RGS12: variants seen among roughly 807,000 people sequenced by gnomAD.
The protein encoded by RGS12 is regulator of G-protein signaling 12.
Under a neutral mutation model 120.1 loss-of-function variants are expected in RGS12, and 66 were observed. That is an observed-to-expected ratio of 0.55 (90% CI 0.45 to 0.67). RGS12 has a LOEUF of 0.67. Ranked by LOEUF, RGS12 falls within the 30% of genes least tolerant of loss-of-function variation. The pLI is 0.00. For missense variants in RGS12, 1,859 were observed against 1,957.7 expected (o/e 0.95, Z 0.95); for synonymous variants, 827 against 804.7 (o/e 1.03, Z -0.47).
At chr4:3,370,091 T>TA in intron 3 of RGS12, 1 of 1,329,894 alleles carries the variant, frequency 7.5e-7, no homozygotes. Flanking sequence ...ACAATTGAGA[T>TA]AGAGTCTGAA....
intron 4 of RGS12, among the ~76,000 whole-genome samples, chr4:3,388,031 C>T (rs371829760): frequency 1.2e-3 from 187 of 152,200 alleles, no homozygotes; most frequent in African/African-American, 4.0e-3. Context: ...TGTCCTGGCT[C>T]CTCGCCACGC....
intron 2 of RGS12, among the ~76,000 whole-genome samples, chr4:3,337,199 C>A (rs56201512): frequency 0.029 from 4,405 of 152,240 alleles, 81 homozygotes; most frequent in Non-Finnish European, 0.045. Flanking sequence ...ACTGCCACCA[C>A]CATCACAAGA....
rs147203430 is a variant in RGS12 at position 3,417,528 on chromosome 4, G to A, written c.2748G>A (p.Gly916=). 2.2e-4 allele frequency: 357 copies of A among 1,612,896 alleles called. No individual in the cohort carries two copies. The African/African-American group carries it at 4.0e-3, about 18-fold the overall frequency. Residue 916 remains glycine (G), a synonymous_variant, in exon 9 of 18, where the codon GGG becomes GGA. Coordinates refer to ENST00000336727, the MANE Select transcript of RGS12 (RefSeq NM_001394154.1). ...GGTCCCAGAAAAAGAGGGAGCACGG[G>A]GACCACGCAGACGGTTTGTGGGGTG... ...TGRSQKKREH[G]DHADDALHAN... is the part of the protein sequence containing the mutation.
intron 2 of RGS12, among the ~76,000 whole-genome samples, chr4:3,330,487 A>C (rs1452050264): frequency 2.0e-5 from 3 of 152,208 alleles, no homozygotes; most frequent in African/African-American, 4.8e-5. Flanking sequence ...CCTGTACTAG[A>C]AGGGCGTGAA....
intron 3 of RGS12, among the ~76,000 whole-genome samples, chr4:3,347,447 A>G (rs1043595576): frequency 1.3e-5 from 2 of 152,244 alleles, no homozygotes; most frequent in Non-Finnish European, 2.9e-5. Flanking sequence ...CTGTCTCAAA[A>G]AAAGAAAGAA....
chr4:3,381,447 C>A (rs182959657), intron 3 of RGS12, among the ~76,000 whole-genome samples: 1 of 152,252 alleles, frequency 6.6e-6, no homozygotes, highest in East Asian at 1.9e-4. Flanking sequence ...TGAAGAAATA[C>A]CTGGGACTGG....
At chr4:3,308,204 C>T (rs150177319) in intron 1 of RGS12, among the ~76,000 whole-genome samples, 124 of 152,348 alleles carry the variant, frequency 8.1e-4, no homozygotes, top group Non-Finnish European at 1.3e-3. Context: ...TTCCTCCCAA[C>T]GCCTGCAGCA....
intron 17 of RGS12, among the ~76,000 whole-genome samples, chr4:3,438,644 T>C (rs1056332329): frequency 6.6e-6 from 1 of 152,056 alleles, no homozygotes; most frequent in African/African-American, 2.4e-5. Context: ...CACGTGGAGG[T>C]CACCAGATGT....
intron 14 of RGS12, chr4:3,426,834 G>A (rs899556611): frequency 2.6e-5 from 4 of 152,226 alleles, no homozygotes; most frequent in African/African-American, 4.8e-5. Context: ...CCGTAGGGAG[G>A]TGTGTCTTGG....
intron 1 of RGS12, among the ~76,000 whole-genome samples, chr4:3,306,285 G>C (rs1328951949): frequency 6.6e-6 from 1 of 152,226 alleles, no homozygotes; most frequent in African/African-American, 2.4e-5. Flanking sequence ...TGGAGCATTG[G>C]GGGCCGCCTG....
chr4:3,296,396 C>T (rs1263489891), intron 1 of RGS12, among the ~76,000 whole-genome samples: 2 of 151,800 alleles, frequency 1.3e-5, no homozygotes, highest in African/African-American at 4.8e-5. Flanking sequence ...CACTATGTTG[C>T]CCAGGCTGAT....
Position 3,309,573 on chromosome 4 carries a change from T to C in RGS12, c.-101-6497T>C, listed in dbSNP as rs868202180. ...CTGGGGCCTGGGAATGGCAGGTGTCTGCTGAGGGGAACTGTGTTGAGGAGG... is the reference window on the plus strand; with the variant it reads ...CTGGGGCCTGGGAATGGCAGGTGTCCGCTGAGGGGAACTGTGTTGAGGAGG... On this transcript the variant is annotated intron_variant, in intron 1 of 17. Coordinates refer to ENST00000336727, the MANE Select transcript of RGS12 (RefSeq NM_001394154.1). Among the ~76,000 whole-genome samples, 144 of 107,114 alleles carry C rather than the reference T, an allele frequency of 1.3e-3. 3 individuals carry two copies. Among genetic ancestry groups the C allele is most frequent in the African/African-American group, 2.0e-3 (45 of 22,842 alleles). The allele number at this position is 107,114 out of a possible 152,430, so 70.3% of individuals were successfully genotyped here.
intron 10 of RGS12, among the ~76,000 whole-genome samples, chr4:3,421,532 C>T (rs1373669244): frequency 2.0e-5 from 3 of 152,224 alleles, no homozygotes; most frequent in Non-Finnish European, 4.4e-5. Flanking sequence ...CCGGCCTTGC[C>T]GTGTGTTTCT....
chr4:3,343,510 G>T (rs536919591), intron 3 of RGS12, among the ~76,000 whole-genome samples: 2 of 152,126 alleles, frequency 1.3e-5, no homozygotes, highest in South Asian at 4.2e-4. Context: ...GTTCCCTTAT[G>T]CCCCCACCCA....
chr4:3,337,919 G>A (rs1712651032), intron 2 of RGS12, among the ~76,000 whole-genome samples: 1 of 152,226 alleles, frequency 6.6e-6, no homozygotes, highest in Non-Finnish European at 1.5e-5. Context: ...GGAGCTGGGT[G>A]TTGTCTCAGG....
rs1217796920 is a variant in RGS12 at position 3,317,671 on chromosome 4, C to T, written c.1501C>T (p.His501Tyr). The change falls in exon 2 of 18, where the codon CAC (histidine) becomes TAC (tyrosine). Residue 501 changes from histidine to tyrosine, a missense_variant. This residue lies in a region of RGS12 where 967 missense variants were observed against 994.2 expected (regional missense o/e 0.97). Transcript: ENST00000336727. ...TGACAGGTTCTGGGACCTAAACAAG[C>T]ACCTAGGGCCAGCCTCTCCTGTGGA... The part of the protein sequence containing the change: ...QTDRFWDLNK[H>Y]LGPASPVEVP... 1.9e-6 allele frequency: 3 copies of T among 1,605,738 alleles called. No individual in the cohort carries two copies. The highest frequency in any genetic ancestry group is 2.6e-6 in the Non-Finnish European group (3 of 1,174,688).
At chr4:3,427,503 A>G (rs548708553) in intron 14 of RGS12, among the ~76,000 whole-genome samples, 74 of 152,360 alleles carry the variant, frequency 4.9e-4, no homozygotes, top group African/African-American at 1.7e-3. Flanking sequence ...TTGGAGGCCA[A>G]GGTGGGTGGA....
chr4:3,386,749 C>G (rs531713588), intron 4 of RGS12, among the ~76,000 whole-genome samples: 1 of 152,208 alleles, frequency 6.6e-6, no homozygotes. Flanking sequence ...CGTGTTTTTG[C>G]TCTTCCCTTG....
intron 4 of RGS12, among the ~76,000 whole-genome samples, chr4:3,407,939 C>G (rs1404899204): frequency 6.6e-6 from 1 of 152,178 alleles, no homozygotes; most frequent in African/African-American, 2.4e-5. Flanking sequence ...TCTTTTTCAC[C>G]AGGAAAGCAT....
Sources: gnomAD v4.1 joint callset for allele counts (sites outside exome capture counted in the v4.1 genomes callset) on GRCh38, gnomAD v4.1.1 for gene constraint, gnomAD v4.1.1 regional missense constraint, MANE v1.5 for transcripts, NCBI Gene and HGNC (gene_info 2026-07-23, HGNC 2026-07-21) for gene names.